AGBL4: variants seen among roughly 807,000 people sequenced by gnomAD.
AGBL4 encodes the protein cytosolic carboxypeptidase 6.
AGBL4 carries 58 observed loss-of-function variants against 66.4 expected under a neutral mutation model. That is an observed-to-expected ratio of 0.87 (90% CI 0.71 to 1.09). The LOEUF is 1.09. AGBL4 is among the 50% of genes least tolerant of loss of function. The pLI is 0.00. For missense variants in AGBL4, 579 were observed against 631.0 expected, an observed-to-expected ratio of 0.92 and a Z score of 0.88; for synonymous variants, 234 against 222.9, an observed-to-expected ratio of 1.05 and a Z score of -0.44.
At chr1:48,906,186 T>G (rs1250217836) in intron 5 of AGBL4, among the ~76,000 whole-genome samples, 1 of 152,156 alleles carries the variant, frequency 6.6e-6, no homozygotes, top group African/African-American at 2.4e-5. Flanking sequence ...GAGGGAACCA[T>G]GAAGATAAGA....
At chr1:49,850,744 AATT>A (rs1268267966) in intron 2 of AGBL4, among the ~76,000 whole-genome samples, 4 of 152,134 alleles carry the variant, frequency 2.6e-5, no homozygotes, top group Non-Finnish European at 5.9e-5. Flanking sequence ...GAAAATTAAT[AATT>A]ATTTGTAAAA....
chr1:48,741,838 T>C (rs1649965774), intron 6 of AGBL4, among the ~76,000 whole-genome samples: 1 of 152,206 alleles, frequency 6.6e-6, no homozygotes, highest in Admixed American at 6.5e-5. Flanking sequence ...AACATAACGC[T>C]AAAGCTGAAT....
chr1:49,063,517 T>C (rs531458334), intron 4 of AGBL4, among the ~76,000 whole-genome samples: 1 of 152,284 alleles, frequency 6.6e-6, no homozygotes, highest in South Asian at 2.1e-4. Context: ...CCAATTATAT[T>C]AGTTTTGTTC....
intron 5 of AGBL4, among the ~76,000 whole-genome samples, chr1:48,921,642 A>C (rs982298087): frequency 1.3e-5 from 2 of 152,190 alleles, no homozygotes; most frequent in African/African-American, 4.8e-5. Context: ...TAACAGTATA[A>C]TCATGATAAC....
chr1:49,063,276 T>A (rs78053216), intron 4 of AGBL4, among the ~76,000 whole-genome samples: 2 of 152,214 alleles, frequency 1.3e-5, no homozygotes, highest in African/African-American at 4.8e-5. Context: ...CTTTCAACCA[T>A]TTTTTAGCTA....
intron 1 of AGBL4, among the ~76,000 whole-genome samples, chr1:49,903,436 T>C (rs1459645590): frequency 1.3e-5 from 2 of 152,084 alleles, no homozygotes; most frequent in East Asian, 3.9e-4. Flanking sequence ...AAATAATCTG[T>C]ACACCGAACC....
At chr1:49,388,275 T>C (rs943345624) in intron 3 of AGBL4, among the ~76,000 whole-genome samples, 1 of 152,098 alleles carries the variant, frequency 6.6e-6, no homozygotes, top group African/African-American at 2.4e-5. Flanking sequence ...AGAGTGTCTG[T>C]TGCAACTCTT....
chr1:48,926,624 G>A (rs1368903153), intron 5 of AGBL4, among the ~76,000 whole-genome samples: 1 of 151,934 alleles, frequency 6.6e-6, no homozygotes, highest in Non-Finnish European at 1.5e-5. Context: ...GTAGCCCTCT[G>A]TTTTAGGCAG....
At chr1:49,926,678 T>C (rs1652812255) in intron 1 of AGBL4, among the ~76,000 whole-genome samples, 1 of 152,138 alleles carries the variant, frequency 6.6e-6, no homozygotes, top group Non-Finnish European at 1.5e-5. Flanking sequence ...TTCTGAATTA[T>C]TAAGTTTAAC....
At chr1:49,147,814 G>A (rs1444558890) in intron 4 of AGBL4, among the ~76,000 whole-genome samples, 1 of 152,052 alleles carries the variant, frequency 6.6e-6, no homozygotes, top group Non-Finnish European at 1.5e-5. Context: ...GATGGATAGT[G>A]CTTCAAGCAG....
rs12118332 is a variant in AGBL4, at chr1:48,904,736, A to G, written c.595-37506T>C. Among the ~76,000 whole-genome samples the G allele has an allele frequency of 6.9e-3, 1,047 of 152,362 alleles. 14 individuals carry two copies. Among genetic ancestry groups the G allele is most frequent in the Middle Eastern group, 0.017 (5 of 294 alleles). ...AGCATGAGGTCAGTGCTCAATAATT[A>G]TTGAACAATATTAGCAATAATTATT... is the stretch of plus-strand genomic sequence containing the variant. On this transcript the variant is annotated intron_variant, in intron 5 of 13. Coordinates refer to ENST00000371839, the MANE Select transcript of AGBL4 (RefSeq NM_032785.4).
At chr1:49,543,054 G>A (rs138580736) in intron 3 of AGBL4, among the ~76,000 whole-genome samples, 2 of 152,062 alleles carry the variant, frequency 1.3e-5, no homozygotes, top group Non-Finnish European at 2.9e-5. Flanking sequence ...CAATAACAAG[G>A]AGAGAAAGTA....
chr1:49,923,946 A>G (rs761759648), intron 1 of AGBL4, among the ~76,000 whole-genome samples: 2 of 152,186 alleles, frequency 1.3e-5, no homozygotes, highest in African/African-American at 2.4e-5. Flanking sequence ...CTACCATTCA[A>G]CCCAGCAATC....
chr1:49,773,502 G>A (rs1290267998), intron 2 of AGBL4, among the ~76,000 whole-genome samples: 1 of 152,134 alleles, frequency 6.6e-6, no homozygotes, highest in African/African-American at 2.4e-5. Context: ...TCAGCTCTGG[G>A]TGGACTCAGT....
intron 4 of AGBL4, among the ~76,000 whole-genome samples, chr1:49,063,921 G>A (rs1362884528): frequency 2.0e-5 from 3 of 152,198 alleles, no homozygotes; most frequent in Non-Finnish European, 4.4e-5. Flanking sequence ...ATGCATAAAG[G>A]TTCAGAGCAG....
Position 49,128,563 on chromosome 1 carries a change from A to G in AGBL4, c.378-82763T>C, listed in dbSNP as rs535079425. 3.9e-5 allele frequency among the ~76,000 whole-genome samples: 6 copies of G among 152,186 alleles called. No individual in the cohort carries two copies. The South Asian group carries it at 1.2e-3, about 32-fold the overall frequency. On this transcript the variant is annotated intron_variant, in intron 4 of 13. Coordinates refer to ENST00000371839, the MANE Select transcript of AGBL4 (RefSeq NM_032785.4). ...AAATAGAATACAAACAGAAATAGAA[A>G]CAGAATGTGGTCAATTGATTTTTGA... is the stretch of plus-strand genomic sequence containing the variant.
At chr1:49,875,756 AG>A (rs1368106811) in intron 1 of AGBL4, among the ~76,000 whole-genome samples, 1 of 117,854 alleles carries the variant, frequency 8.5e-6, no homozygotes, top group Admixed American at 9.0e-5. Flanking sequence ...TGGTTGAACT[AG>A]TTTACAGTCC....
intron 2 of AGBL4, among the ~76,000 whole-genome samples, chr1:49,756,597 C>T (rs1475477374): frequency 6.6e-6 from 1 of 152,190 alleles, no homozygotes; most frequent in Admixed American, 6.5e-5. Context: ...TTGTAGTTCC[C>T]ATAATCCCCA....
intron 2 of AGBL4, among the ~76,000 whole-genome samples, chr1:49,703,349 A>G (rs1163006409): frequency 6.6e-6 from 1 of 152,110 alleles, no homozygotes; most frequent in Non-Finnish European, 1.5e-5. Context: ...AATAATACTT[A>G]GTATAAGTTA....
Sources: gnomAD v4.1 joint callset for allele counts (sites outside exome capture counted in the v4.1 genomes callset) on GRCh38, gnomAD v4.1.1 for gene constraint, MANE v1.5 for transcripts, NCBI Gene and HGNC (gene_info 2026-07-23, HGNC 2026-07-21) for gene names.